Variants in SHISA6 observed in about 807,000 individuals in gnomAD.
SHISA6 encodes the protein shisa family member 6.
SHISA6 carries 22 observed loss-of-function variants against 47.9 expected under a neutral mutation model. That is an observed-to-expected ratio of 0.46 (90% CI 0.33 to 0.66). The LOEUF is 0.66. Among genes scored for constraint, SHISA6 ranks in the 30% least tolerant of loss-of-function variants. SHISA6 has a pLI of 0.02. For missense variants in SHISA6, 680 were observed against 764.6 expected (o/e 0.89, Z 1.30); for synonymous variants, 388 against 337.8 (o/e 1.15, Z -1.63).
chr17:11,489,506 TG>T (rs1331531192), intron 3 of SHISA6, among the ~76,000 whole-genome samples: 1 of 152,210 alleles, frequency 6.6e-6, no homozygotes, highest in African/African-American at 2.4e-5. Context: ...GTATCTCATA[TG>T]TCCTTTGCAT....
intron 1 of SHISA6, among the ~76,000 whole-genome samples, chr17:11,257,878 C>T (rs1908077102): frequency 6.6e-6 from 1 of 152,126 alleles, no homozygotes; most frequent in Non-Finnish European, 1.5e-5. Context: ...CACCATCTGT[C>T]TTGTAGTTTT....
intron 2 of SHISA6, among the ~76,000 whole-genome samples, chr17:11,344,298 C>T (rs1911626232): frequency 6.6e-6 from 1 of 151,892 alleles, no homozygotes; most frequent in Admixed American, 6.6e-5. Flanking sequence ...CTGATGGTGT[C>T]CTTTGAAACA....
At chr17:11,465,321 C>T (rs1915783198) in intron 3 of SHISA6, among the ~76,000 whole-genome samples, 1 of 152,202 alleles carries the variant, frequency 6.6e-6, no homozygotes, top group Non-Finnish European at 1.5e-5. Context: ...TCATGCCTCT[C>T]GTATGCAGCC....
intron 3 of SHISA6, among the ~76,000 whole-genome samples, chr17:11,547,734 T>G (rs1319612361): frequency 6.6e-6 from 1 of 152,098 alleles, no homozygotes; most frequent in Non-Finnish European, 1.5e-5. Context: ...AGTTAAAAAA[T>G]TATAGAACTG....
At chr17:11,341,526 G>A (rs1193665347) in intron 2 of SHISA6, among the ~76,000 whole-genome samples, 1 of 151,738 alleles carries the variant, frequency 6.6e-6, no homozygotes, top group African/African-American at 2.4e-5. Flanking sequence ...TTAGACACGG[G>A]GTTTCGCCAT....
intron 2 of SHISA6, among the ~76,000 whole-genome samples, chr17:11,310,794 G>A (rs1192247592): frequency 2.0e-5 from 3 of 152,048 alleles, no homozygotes; most frequent in African/African-American, 7.2e-5. Context: ...CCGACATGGT[G>A]AAACCTGGTC....
At chr17:11,352,821 G>A (rs933759842) in intron 2 of SHISA6, among the ~76,000 whole-genome samples, 4 of 152,134 alleles carry the variant, frequency 2.6e-5, no homozygotes, top group Non-Finnish European at 5.9e-5. Context: ...CCCTTTTATT[G>A]GAGTGGTCTT....
chr17:11,528,989 G>A (rs745828261), intron 3 of SHISA6, among the ~76,000 whole-genome samples: 191 of 152,042 alleles, frequency 1.3e-3, no homozygotes, highest in Admixed American at 3.3e-3. Context: ...TCGGGAGTTC[G>A]AGACCAGTCT....
chr17:11,287,696 G>GGGGAAGGAAGGAAGGAAGGGAGGGA (rs1567561433), intron 2 of SHISA6, among the ~76,000 whole-genome samples: 1 of 40,000 alleles, frequency 2.5e-5, no homozygotes, highest in African/African-American at 1.0e-4. Context: ...GAGAGAGAAA[G>GGGGAAGGAAGGAAGGAAGGGAGGGA]GGGAAGGAAG....
At chr17:11,536,872 AG>A (rs2071792540) in intron 3 of SHISA6, among the ~76,000 whole-genome samples, 2 of 152,152 alleles carry the variant, frequency 1.3e-5, no homozygotes, top group Non-Finnish European at 2.9e-5. Flanking sequence ...GGAGCTGAGC[AG>A]GGTATGGTAA....
At chr17:11,346,483 A>G (rs1310274004) in intron 2 of SHISA6, among the ~76,000 whole-genome samples, 1 of 152,182 alleles carries the variant, frequency 6.6e-6, no homozygotes, top group Non-Finnish European at 1.5e-5. Context: ...TTTCAGAGGT[A>G]GGTGATTGCC....
chr17:11,524,791 G>T (rs571873749), intron 3 of SHISA6, among the ~76,000 whole-genome samples: 1 of 152,268 alleles, frequency 6.6e-6, no homozygotes, highest in East Asian at 1.9e-4. Context: ...GAGCCACTGC[G>T]CCCGGTCTAT....
chr17:11,286,200 C>T (rs1246151242), intron 2 of SHISA6, among the ~76,000 whole-genome samples: 4 of 152,108 alleles, frequency 2.6e-5, no homozygotes, highest in Non-Finnish European at 5.9e-5. Flanking sequence ...CCCTGCCCAT[C>T]TAACATCTAC....
At chr17:11,480,063 G>T (rs902852086) in intron 3 of SHISA6, among the ~76,000 whole-genome samples, 2 of 152,078 alleles carry the variant, frequency 1.3e-5, no homozygotes, top group African/African-American at 4.8e-5. Context: ...CAGGATACAG[G>T]ATTCTAGGTT....
At chr17:11,540,565 A>G (rs2071825149) in intron 3 of SHISA6, among the ~76,000 whole-genome samples, 1 of 152,146 alleles carries the variant, frequency 6.6e-6, no homozygotes, top group Non-Finnish European at 1.5e-5. Context: ...GGTTCCATAC[A>G]TCCTGCTAAC....
chr17:11,302,895 G>A (rs1196357224), intron 2 of SHISA6, among the ~76,000 whole-genome samples: 1 of 152,074 alleles, frequency 6.6e-6, no homozygotes, highest in African/African-American at 2.4e-5. Context: ...GAAATGAGAG[G>A]TTTCTAGATG....
intron 3 of SHISA6, among the ~76,000 whole-genome samples, chr17:11,414,872 G>C (rs906470748): frequency 2.2e-4 from 34 of 152,104 alleles, no homozygotes; most frequent in African/African-American, 8.2e-4. Flanking sequence ...TGAATCATGA[G>C]GTCAGGAGTT....
chr17:11,276,326 G>A (rs1462084503), intron 2 of SHISA6, among the ~76,000 whole-genome samples: 1 of 152,114 alleles, frequency 6.6e-6, no homozygotes, highest in Admixed American at 6.6e-5. Context: ...GGTGGCCTAG[G>A]AAGTGGAAAC....
At chr17:11,492,472 T>C (rs1243917500) in intron 3 of SHISA6, among the ~76,000 whole-genome samples, 1 of 152,226 alleles carries the variant, frequency 6.6e-6, no homozygotes, top group African/African-American at 2.4e-5. Context: ...CAATATTTAC[T>C]ATGTGTAAAT....
Sources: gnomAD v4.1 joint callset for allele counts (sites outside exome capture counted in the v4.1 genomes callset) on GRCh38, gnomAD v4.1.1 for gene constraint, MANE v1.5 for transcripts, NCBI Gene and HGNC (gene_info 2026-07-23, HGNC 2026-07-21) for gene names.